Variants in PSME4 observed in about 807,000 individuals in gnomAD.
The protein encoded by PSME4 is proteasome activator complex subunit 4.
In PSME4, 89 loss-of-function variants were observed where a neutral mutation model predicts 253.9. The observed-to-expected ratio is 0.35, with a 90% CI of 0.30 to 0.42. The LOEUF is 0.42. Among genes scored for constraint, PSME4 ranks in the 10% least tolerant of loss-of-function variants. PSME4 has a pLI of 1.00. For missense variants in PSME4, 2,014 were observed against 2,195.2 expected (o/e 0.92, Z 1.65); for synonymous variants, 851 against 759.2 (o/e 1.12, Z -1.99).
chr2:53,940,762 T>C (rs1669354211), intron 3 of PSME4, among the ~76,000 whole-genome samples: 1 of 150,074 alleles, frequency 6.7e-6, no homozygotes, highest in South Asian at 2.1e-4. Context: ...CACTAGATAA[T>C]TTTGAGCTGG....
At chr2:53,967,364 A>G (rs941777445) in intron 1 of PSME4, among the ~76,000 whole-genome samples, 2 of 152,082 alleles carry the variant, frequency 1.3e-5, no homozygotes, top group African/African-American at 4.8e-5. Flanking sequence ...AAAAAAGTCA[A>G]AAAGAAGGCT....
At chr2:53,956,117 T>A (rs1005171054) in intron 1 of PSME4, among the ~76,000 whole-genome samples, 1 of 151,982 alleles carries the variant, frequency 6.6e-6, no homozygotes, top group African/African-American at 2.4e-5. Flanking sequence ...ACCACATCTC[T>A]ACAAAAAATT....
chr2:53,963,035 C>T (rs937753548), intron 1 of PSME4, among the ~76,000 whole-genome samples: 2 of 150,998 alleles, frequency 1.3e-5, no homozygotes, highest in African/African-American at 4.9e-5. Flanking sequence ...AGGACACATA[C>T]CATATGCAGT....
At chr2:53,965,980 G>C (rs930620285) in intron 1 of PSME4, among the ~76,000 whole-genome samples, 2 of 152,122 alleles carry the variant, frequency 1.3e-5, no homozygotes, top group African/African-American at 4.8e-5. Context: ...CCAAAATTTG[G>C]TTTTTTAACA....
At chr2:53,876,813 G>C (rs1229881356) in intron 41 of PSME4, among the ~76,000 whole-genome samples, 1 of 145,430 alleles carries the variant, frequency 6.9e-6, no homozygotes, top group South Asian at 2.2e-4. Flanking sequence ...CAACTTTCTG[G>C]GGTCGGTGAT....
At chr2:53,938,902 A>G (rs1013131131) in intron 4 of PSME4, among the ~76,000 whole-genome samples, 1 of 152,210 alleles carries the variant, frequency 6.6e-6, no homozygotes, top group Non-Finnish European at 1.5e-5. Flanking sequence ...ACCTTCAAAG[A>G]TCTCACATAT....
chr2:53,883,286 G>A (rs1354717612), intron 41 of PSME4, among the ~76,000 whole-genome samples: 1 of 152,158 alleles, frequency 6.6e-6, no homozygotes, highest in Non-Finnish European at 1.5e-5. Flanking sequence ...GGCTACGGTG[G>A]GAGGACCATT....
intron 1 of PSME4, among the ~76,000 whole-genome samples, chr2:53,960,334 G>A (rs1670425120): frequency 6.6e-6 from 1 of 151,386 alleles, no homozygotes; most frequent in South Asian, 2.1e-4. Flanking sequence ...GGGAGGCGGA[G>A]GTTGCAGTGA....
rs1458505043 is a variant in PSME4, at chr2:53,927,453, T to C, written c.1534A>G (p.Thr512Ala). 4 of 1,595,796 alleles carry C rather than the reference T, an allele frequency of 2.5e-6. No individual in the cohort carries two copies. Among genetic ancestry groups the C allele is most frequent in the Non-Finnish European group, 3.4e-6 (4 of 1,163,524 alleles). ...ITFQFIATFS[T>A]LVPLVDCSSV... Reference sequence around the variant, plus strand: ...GAACAATCTACTAAAGGCACCAGAGTAGAAAATGTTGCTATGAACTGGAAT... The same window carrying C: ...GAACAATCTACTAAAGGCACCAGAGCAGAAAATGTTGCTATGAACTGGAAT... Residue 512 changes from threonine (T) to alanine (A), a missense_variant, in exon 12 of 47, where the codon ACT (threonine) becomes GCT (alanine). Transcript: ENST00000404125.
chr2:53,880,310 C>T (rs1399956576), intron 41 of PSME4, among the ~76,000 whole-genome samples: 1 of 151,986 alleles, frequency 6.6e-6, no homozygotes, highest in Non-Finnish European at 1.5e-5. Flanking sequence ...ATAAAATTAG[C>T]TGGAGTGGTG....
intron 3 of PSME4, among the ~76,000 whole-genome samples, chr2:53,946,703 C>T (rs975792904): frequency 2.0e-5 from 3 of 152,082 alleles, no homozygotes; most frequent in African/African-American, 7.2e-5. Flanking sequence ...CAAGACCAGG[C>T]TGGGCAACAC....
At chr2:53,892,707 TTCATA>T in intron 36 of PSME4, 96 bp downstream of exon 36, 2 of 1,115,380 alleles carry the variant, frequency 1.8e-6, no homozygotes, top group Non-Finnish European at 2.5e-6. Context: ...CACTGAAGAT[TTCATA>T]TTTTAATTAT....
At chr2:53,919,816 G>GGA (rs543540806) in intron 19 of PSME4, among the ~76,000 whole-genome samples, 2 of 150,638 alleles carry the variant, frequency 1.3e-5, no homozygotes, top group East Asian at 3.9e-4. Context: ...GTGGGAGAGG[G>GGA]AAAAAAAAAT....
At chr2:53,963,573 C>T (rs985611428) in intron 1 of PSME4, among the ~76,000 whole-genome samples, 1 of 152,134 alleles carries the variant, frequency 6.6e-6, no homozygotes, top group African/African-American at 2.4e-5. Flanking sequence ...ATACTTGTTA[C>T]CCCAGGATTG....
intron 38 of PSME4, 159 bp from the exon 39 acceptor site, chr2:53,888,148 A>T (rs1207784904): frequency 1.1e-5 from 7 of 616,812 alleles, no homozygotes; most frequent in African/African-American, 1.9e-5. Context: ...CTTTATGAAG[A>T]TTTTATTTTT....
intron 28 of PSME4, 63 bp from the exon 29 acceptor site, chr2:53,900,080 C>T: frequency 7.0e-7 from 1 of 1,432,430 alleles, no homozygotes; most frequent in Non-Finnish European, 9.6e-7. Context: ...CTGAACGAAC[C>T]TTGAAAATGT....
intron 5 of PSME4, 31 bp from the exon 6 acceptor site, chr2:53,936,858 A>G: frequency 6.7e-7 from 1 of 1,492,572 alleles, no homozygotes; most frequent in South Asian, 1.2e-5. Context: ...TATGAATAGC[A>G]AGTGATTTTA....
Position 53,970,558 on chromosome 2 carries a change from G to T in PSME4, c.227C>A (p.Thr76Asn). ...GCACACTTACGTGGAGAGTTTCCTGGTCCAGAAGAGGCCCCCGGGCCACAG... is the reference window on the plus strand; with the variant it reads ...GCACACTTACGTGGAGAGTTTCCTGTTCCAGAAGAGGCCCCCGGGCCACAG... ...QELWPGGLFW[T>N]RKLSTYIRLY... The change falls in exon 1 of 47, where the codon ACC becomes AAC. Residue 76 changes from threonine (T) to asparagine (N), a missense_variant. Around this residue, in one of 4 missense-constraint regions of PSME4, gnomAD observed 615 missense variants for 594.4 expected, o/e 1.03. Coordinates refer to ENST00000404125, the MANE Select transcript of PSME4 (RefSeq NM_014614.3). The T allele has an allele frequency of 6.5e-7, 1 of 1,548,316 alleles. No individual in the cohort carries two copies. Among genetic ancestry groups the T allele is most frequent in the Non-Finnish European group, 8.7e-7 (1 of 1,146,852 alleles).
At chr2:53,869,186 A>T (rs76651127) in intron 44 of PSME4, among the ~76,000 whole-genome samples, 190 bp downstream of exon 44, 5,215 of 152,272 alleles carry the variant, frequency 0.034, 111 homozygotes, top group Non-Finnish European at 0.047. Context: ...TATCTACCTC[A>T]ATTTTAGCTT....
Sources: allele counts gnomAD v4.1 joint callset (sites outside exome capture counted in the v4.1 genomes callset), GRCh38; gene constraint gnomAD v4.1.1; regional missense constraint gnomAD v4.1.1; transcripts MANE v1.5; gene names NCBI Gene and HGNC (gene_info 2026-07-23, HGNC 2026-07-21).